Variants in AGBL1 observed in about 807,000 individuals in gnomAD.
AGBL1 encodes the protein cytosolic carboxypeptidase 4.
Under a neutral mutation model 118.9 loss-of-function variants are expected in AGBL1, and 130 were observed. The observed-to-expected ratio is 1.09, with a 90% CI of 0.95 to 1.26. The LOEUF (loss-of-function observed/expected upper bound fraction) is 1.26. AGBL1 is among the 50% of genes most tolerant of loss of function. The pLI, the probability that AGBL1 is intolerant of heterozygous loss-of-function variation, is 0.00. For missense variants in AGBL1, 1,584 were observed against 1,298.1 expected (o/e 1.22, Z -3.38); for synonymous variants, 555 against 478.9 (o/e 1.16, Z -2.08).
chr15:86,145,167 C>T (rs1242683994), intron 3 of AGBL1, among the ~76,000 whole-genome samples: 1 of 152,126 alleles, frequency 6.6e-6, no homozygotes, highest in Non-Finnish European at 1.5e-5. Context: ...ATAAAATCTG[C>T]AAAGATTCTG....
At chr15:86,185,772 G>T (rs1466395357) in intron 5 of AGBL1, among the ~76,000 whole-genome samples, 1 of 151,718 alleles carries the variant, frequency 6.6e-6, no homozygotes, top group Non-Finnish European at 1.5e-5. Flanking sequence ...GGGGGGCTGG[G>T]GGAGGGATAG....
At chr15:86,826,053 A>T (rs1027887236) in intron 22 of AGBL1, among the ~76,000 whole-genome samples, 6 of 152,070 alleles carry the variant, frequency 3.9e-5, no homozygotes, top group African/African-American at 1.4e-4. Flanking sequence ...AAAATATTAC[A>T]ATCAGAATAT....
chr15:86,144,103 G>C (rs974361564), intron 3 of AGBL1, among the ~76,000 whole-genome samples: 1 of 152,164 alleles, frequency 6.6e-6, no homozygotes, highest in Non-Finnish European at 1.5e-5. Flanking sequence ...TAATATGGGG[G>C]AAAGGAGGGG....
intron 22 of AGBL1, among the ~76,000 whole-genome samples, chr15:86,802,820 A>C (rs1244408830): frequency 6.6e-6 from 1 of 152,110 alleles, no homozygotes; most frequent in Non-Finnish European, 1.5e-5. Context: ...GTCATCCACT[A>C]ATTACTTTAC....
intron 18 of AGBL1, among the ~76,000 whole-genome samples, chr15:86,445,046 TTGGGGTGTGAAAAAAA>T (rs1373356105): frequency 4.6e-5 from 7 of 152,082 alleles, no homozygotes. Context: ...CCTGTCTGAG[TTGGGGTGTGAAAAAAA>T]TCTGTATTAT....
At chr15:86,972,382 G>A (rs537177603) in intron 23 of AGBL1, among the ~76,000 whole-genome samples, 2 of 152,074 alleles carry the variant, frequency 1.3e-5, no homozygotes, top group South Asian at 2.1e-4. Context: ...AGTGGCACCT[G>A]TTGGTGCCAT....
chr15:86,110,886 C>G (rs1187918020), intron 1 of AGBL1, among the ~76,000 whole-genome samples: 2 of 152,186 alleles, frequency 1.3e-5, no homozygotes, highest in Admixed American at 1.3e-4. Context: ...CCTTTCTCCT[C>G]CAGCAGAGGT....
At chr15:86,582,893 G>A (rs181026147) in intron 21 of AGBL1, among the ~76,000 whole-genome samples, 94 of 151,758 alleles carry the variant, frequency 6.2e-4, no homozygotes, top group African/African-American at 2.2e-3. Context: ...GATAGCATTA[G>A]TAGATATACC....
intron 19 of AGBL1, among the ~76,000 whole-genome samples, chr15:86,536,035 A>G (rs981656845): frequency 6.6e-6 from 1 of 152,158 alleles, no homozygotes; most frequent in African/African-American, 2.4e-5. Context: ...AATACCCATA[A>G]AGGTCCTGAA....
intron 5 of AGBL1, among the ~76,000 whole-genome samples, chr15:86,206,740 T>C (rs1439350397): frequency 2.6e-5 from 4 of 152,228 alleles, no homozygotes; most frequent in African/African-American, 7.2e-5. Context: ...ATTGCAAAAA[T>C]TTTCTCCCAT....
chr15:86,944,146 G>A (rs140051655), intron 23 of AGBL1, among the ~76,000 whole-genome samples: 5,981 of 152,038 alleles, frequency 0.039, 166 homozygotes, highest in Middle Eastern at 0.071. Context: ...TGAGGCGGGC[G>A]GATCACCTGA....
At chr15:86,412,460 T>C (rs117109501) in intron 18 of AGBL1, among the ~76,000 whole-genome samples, 765 of 152,318 alleles carry the variant, frequency 5.0e-3, no homozygotes, top group Non-Finnish European at 7.7e-3. Flanking sequence ...TGAACCTAAA[T>C]CTTGTATGTT....
intron 22 of AGBL1, among the ~76,000 whole-genome samples, chr15:86,867,354 AT>A (rs2141493945): frequency 6.6e-6 from 1 of 152,174 alleles, no homozygotes; most frequent in Non-Finnish European, 1.5e-5. Flanking sequence ...CTAACTTTAC[AT>A]TTTACAAATC....
At chr15:86,518,388 C>A (rs561342101) in intron 18 of AGBL1, among the ~76,000 whole-genome samples, 3 of 152,038 alleles carry the variant, frequency 2.0e-5, no homozygotes, top group Admixed American at 6.6e-5. Flanking sequence ...GACTGTCCAG[C>A]CTTTAAGGTT....
intron 21 of AGBL1, among the ~76,000 whole-genome samples, chr15:86,606,811 C>T (rs577501565): frequency 2.0e-5 from 3 of 152,162 alleles, no homozygotes; most frequent in South Asian, 2.1e-4. Flanking sequence ...AAGCCAATAT[C>T]TGTATTACTA....
chr15:86,887,208 C>A (rs973720458), intron 22 of AGBL1, among the ~76,000 whole-genome samples: 4 of 152,148 alleles, frequency 2.6e-5, no homozygotes, highest in Non-Finnish European at 5.9e-5. Flanking sequence ...TATCATTCTG[C>A]CATCTATCCT....
intron 21 of AGBL1, among the ~76,000 whole-genome samples, chr15:86,607,647 A>G (rs1202207983): frequency 1.3e-5 from 2 of 152,148 alleles, no homozygotes; most frequent in African/African-American, 4.8e-5. Flanking sequence ...CTTGAGTTGT[A>G]ATTCCCTAAT....
chr15:86,892,312 C>G (rs1453454741), intron 22 of AGBL1, among the ~76,000 whole-genome samples: 1 of 152,066 alleles, frequency 6.6e-6, no homozygotes, highest in African/African-American at 2.4e-5. Flanking sequence ...ATTTCCATTA[C>G]TTTTTATGTG....
At chr15:86,816,067 A>G (rs1440476671) in intron 22 of AGBL1, among the ~76,000 whole-genome samples, 2 of 152,320 alleles carry the variant, frequency 1.3e-5, no homozygotes, top group South Asian at 2.1e-4. Flanking sequence ...GTAAGAAGAT[A>G]AGGCAGGAAG....
Sources: allele counts gnomAD v4.1 joint callset (sites outside exome capture counted in the v4.1 genomes callset), GRCh38; gene constraint gnomAD v4.1.1; transcripts MANE v1.5; gene names NCBI Gene and HGNC (gene_info 2026-07-23, HGNC 2026-07-21).